The following DGKI variants were observed in gnomAD, a reference collection of about 807,000 sequenced individuals.
DGKI encodes diacylglycerol kinase iota.
Under a neutral mutation model 147.5 loss-of-function variants are expected in DGKI, and 55 were observed. The ratio of observed to expected loss-of-function variants is 0.37; its 90% CI spans 0.30 to 0.47. The LOEUF (loss-of-function observed/expected upper bound fraction) is 0.47. DGKI is among the 20% of genes least tolerant of loss of function. The pLI is 1.00. For missense variants in DGKI, 1,007 were observed against 1,323.8 expected (o/e 0.76, Z 3.71); for synonymous variants, 469 against 477.1 (o/e 0.98, Z 0.22).
intron 12 of DGKI, among the ~76,000 whole-genome samples, chr7:137,589,176 C>T (rs1254919955): frequency 1.3e-5 from 2 of 152,010 alleles, no homozygotes; most frequent in Admixed American, 1.3e-4. Context: ...AACTGAGGTG[C>T]AAAAAAACCA....
At chr7:137,812,486 C>T (rs1585523235) in intron 1 of DGKI, among the ~76,000 whole-genome samples, 1 of 152,250 alleles carries the variant, frequency 6.6e-6, no homozygotes, top group East Asian at 1.9e-4. Context: ...CAGTAAGGTG[C>T]CAAGGCAGGA....
intron 6 of DGKI, among the ~76,000 whole-genome samples, chr7:137,634,956 G>T (rs535860336): frequency 6.6e-6 from 1 of 152,212 alleles, no homozygotes; most frequent in Admixed American, 6.5e-5. Context: ...TGATGCACAG[G>T]CAGTGATAAA....
At chr7:137,690,853 A>C (rs1823578229) in intron 1 of DGKI, among the ~76,000 whole-genome samples, 1 of 152,052 alleles carries the variant, frequency 6.6e-6, no homozygotes, top group Admixed American at 6.6e-5. Flanking sequence ...CAGCAAGAAG[A>C]AGAAAAAAAA....
At chr7:137,635,069 C>T (rs751905624) in intron 6 of DGKI, among the ~76,000 whole-genome samples, 1 of 152,140 alleles carries the variant, frequency 6.6e-6, no homozygotes, top group Non-Finnish European at 1.5e-5. Context: ...AAGATTATTG[C>T]ACATTAATTC....
intron 1 of DGKI, among the ~76,000 whole-genome samples, chr7:137,715,028 C>T (rs906183297): frequency 2.6e-5 from 4 of 152,258 alleles, no homozygotes; most frequent in Non-Finnish European, 4.4e-5. Context: ...AAAATAACCG[C>T]CATAAAAAGG....
At chr7:137,784,254 A>C (rs567940184) in intron 1 of DGKI, among the ~76,000 whole-genome samples, 11 of 152,298 alleles carry the variant, frequency 7.2e-5, no homozygotes, top group Admixed American at 5.2e-4. Context: ...GACTCAGATA[A>C]ATTTAAGGCA....
Position 137,472,844 on chromosome 7 carries a change from G to A in DGKI, c.2374-3225C>T, listed in dbSNP as rs542270952. On this transcript the variant is annotated intron_variant, in intron 23 of 32. Coordinates refer to ENST00000614521, the MANE Select transcript of DGKI (RefSeq NM_001321708.2). ...ATGAATAAAGGGGCTAAAACATCAAGGACACTTTCTGCATTTTGATGTTGA... is the reference window on the plus strand; with the variant it reads ...ATGAATAAAGGGGCTAAAACATCAAAGACACTTTCTGCATTTTGATGTTGA... Among the ~76,000 whole-genome samples, 90 of 151,968 alleles carry A rather than the reference G, an allele frequency of 5.9e-4. No individual in the cohort carries two copies. The South Asian group carries it at 0.018, about 30-fold the overall frequency.
chr7:137,472,346 T>A (rs768236930), intron 23 of DGKI, among the ~76,000 whole-genome samples: 518 of 4,764 alleles, frequency 0.11, 72 homozygotes, highest in African/African-American at 0.26. Context: ...TACATATAAT[T>A]ATTATATGTA....
rs138579554 is a variant in DGKI, at chr7:137,596,673, A to G, written c.1311+1174T>C. Reference sequence around the variant, plus strand: ...TAATAATGTGTAATATGAACCTTGAAGAAAGATAAAGACTATTTTTCCCAA... The same window carrying G: ...TAATAATGTGTAATATGAACCTTGAGGAAAGATAAAGACTATTTTTCCCAA... On this transcript the variant is annotated intron_variant, in intron 12 of 32. Transcript: ENST00000614521. Among the ~76,000 whole-genome samples the G allele has an allele frequency of 7.2e-5, 11 of 152,350 alleles. No homozygotes were observed. In the East Asian group the frequency reaches 1.9e-3, roughly 27 times the overall value.
At chr7:137,701,498 A>G (rs1427420339) in intron 1 of DGKI, among the ~76,000 whole-genome samples, 1 of 152,214 alleles carries the variant, frequency 6.6e-6, no homozygotes, top group East Asian at 1.9e-4. Flanking sequence ...GTAAGTTTGG[A>G]GTCATAGTGT....
chr7:137,708,696 G>A (rs1190305439), intron 1 of DGKI, among the ~76,000 whole-genome samples: 5 of 152,156 alleles, frequency 3.3e-5, no homozygotes, highest in Admixed American at 1.3e-4. Context: ...CTTAGCTTAT[G>A]ATCTCAGGGG....
intron 19 of DGKI, among the ~76,000 whole-genome samples, chr7:137,555,724 AAG>A (rs68119098): frequency 0.041 from 6,210 of 152,102 alleles, 281 homozygotes; most frequent in African/African-American, 0.11. Flanking sequence ...TAAAAATTGA[AAG>A]AGTTATCAAA....
At position 137,650,799 on chromosome 7, in the gene DGKI, C is replaced by T. The variant is rs373346695; in HGVS notation, c.738+3933G>A. Among the ~76,000 whole-genome samples, 7 of 152,202 alleles carry T rather than the reference C, an allele frequency of 4.6e-5. No individual in the cohort carries two copies. In the East Asian group the frequency reaches 7.7e-4, roughly 17 times the overall value. On this transcript the variant is annotated intron_variant, in intron 5 of 32. Coordinates refer to ENST00000614521, the MANE Select transcript of DGKI (RefSeq NM_001321708.2). ...CCACCCAGTCCATGGTATTTCATTA[C>T]AACAGCCTAAACAGACTAAGACAAT...
chr7:137,394,367 G>T lies in DGKI; in HGVS notation c.3057+1231C>A, dbSNP rs556950645. On this transcript the variant is annotated intron_variant, in intron 32 of 32. Transcript: ENST00000614521. ...GTGTGGCCCAAGACAATTCTTCTTTGTCCAATGTGGCCCAGGGAAGCCAAA... is the reference window on the plus strand; with the variant it reads ...GTGTGGCCCAAGACAATTCTTCTTTTTCCAATGTGGCCCAGGGAAGCCAAA... 3.3e-4 allele frequency among the ~76,000 whole-genome samples: 50 copies of T among 152,210 alleles called. 1 individual carries two copies. The East Asian group carries it at 9.3e-3, about 28-fold the overall frequency.
intron 1 of DGKI, among the ~76,000 whole-genome samples, chr7:137,721,181 T>C (rs1794546349): frequency 6.6e-6 from 1 of 152,198 alleles, no homozygotes; most frequent in African/African-American, 2.4e-5. Flanking sequence ...CATTGTATTC[T>C]GTGTGAATGG....
chr7:137,809,241 C>T (rs1257677126), intron 1 of DGKI, among the ~76,000 whole-genome samples: 1 of 152,116 alleles, frequency 6.6e-6, no homozygotes, highest in African/African-American at 2.4e-5. Flanking sequence ...TGAAGAAAAA[C>T]TGGAGACGGG....
chr7:137,482,122 C>T (rs1016807313), intron 23 of DGKI, among the ~76,000 whole-genome samples: 1 of 151,862 alleles, frequency 6.6e-6, no homozygotes, highest in African/African-American at 2.4e-5. Flanking sequence ...ATTAATAGCA[C>T]CTATATCCCA....
At chr7:137,776,525 G>GA (rs1185800274) in intron 1 of DGKI, among the ~76,000 whole-genome samples, 2 of 152,138 alleles carry the variant, frequency 1.3e-5, no homozygotes, top group Admixed American at 6.5e-5. Flanking sequence ...TAGATGCTTA[G>GA]AAAAAATATA....
intron 19 of DGKI, among the ~76,000 whole-genome samples, chr7:137,559,733 T>C (rs1431131277): frequency 6.6e-6 from 1 of 152,034 alleles, no homozygotes; most frequent in Non-Finnish European, 1.5e-5. Context: ...AAGCCACTCT[T>C]GTGGACCTGT....
Sources: gnomAD v4.1 joint callset for allele counts (sites outside exome capture counted in the v4.1 genomes callset) on GRCh38, gnomAD v4.1.1 for gene constraint, MANE v1.5 for transcripts, NCBI Gene and HGNC (gene_info 2026-07-23, HGNC 2026-07-21) for gene names.